The following PDE4B variants were observed in gnomAD, a reference collection of about 807,000 sequenced individuals.
The protein encoded by PDE4B is phosphodiesterase 4B, also known as 3',5'-cyclic-AMP phosphodiesterase 4B.
In PDE4B, 20 loss-of-function variants were observed where a neutral mutation model predicts 82.2. That is an observed-to-expected ratio of 0.24 (90% CI 0.17 to 0.35). The LOEUF is 0.35. Among genes scored for constraint, PDE4B ranks in the 10% least tolerant of loss-of-function variants. PDE4B has a pLI of 1.00. For missense variants in PDE4B, 655 were observed against 907.2 expected, an observed-to-expected ratio of 0.72 and a Z score of 3.57; for synonymous variants, 320 against 318.9, an observed-to-expected ratio of 1.00 and a Z score of -0.04.
chr1:65,998,045 A>C (rs1333355837), intron 3 of PDE4B, among the ~76,000 whole-genome samples: 2 of 152,316 alleles, frequency 1.3e-5, no homozygotes, highest in South Asian at 2.1e-4. Flanking sequence ...TCCTGTTAAC[A>C]AATAATAACA....
At chr1:66,108,706 G>T in intron 3 of PDE4B, among the ~76,000 whole-genome samples, 1 of 151,756 alleles carries the variant, frequency 6.6e-6, no homozygotes, top group East Asian at 1.9e-4. Context: ...ATCAGGGAAA[G>T]GCACGTTCAT....
chr1:66,366,370 C>A (rs910681147), intron 13 of PDE4B, among the ~76,000 whole-genome samples: 3 of 152,160 alleles, frequency 2.0e-5, no homozygotes, highest in African/African-American at 7.2e-5. Context: ...AAGCCATACT[C>A]AAAGCTTTTG....
chr1:66,237,888 TTAGTATAC>T (rs1329818984), intron 3 of PDE4B, among the ~76,000 whole-genome samples: 3 of 152,160 alleles, frequency 2.0e-5, no homozygotes, highest in Non-Finnish European at 4.4e-5. Context: ...CAGGCACTAG[TTAGTATAC>T]CGTTAAGTGC....
intron 1 of PDE4B, among the ~76,000 whole-genome samples, chr1:65,868,936 G>A (rs919897418): frequency 3.9e-5 from 6 of 152,090 alleles, no homozygotes; most frequent in African/African-American, 9.7e-5. Context: ...CCACCACCCC[G>A]TCTGTGGAAA....
intron 3 of PDE4B, among the ~76,000 whole-genome samples, chr1:66,202,066 C>T (rs1285123020): frequency 2.0e-5 from 3 of 152,148 alleles, no homozygotes; most frequent in Non-Finnish European, 4.4e-5. Flanking sequence ...TCATTGGTTT[C>T]AAAGAACATC....
chr1:66,011,837 T>C (rs1652503992), intron 3 of PDE4B, among the ~76,000 whole-genome samples: 1 of 152,108 alleles, frequency 6.6e-6, no homozygotes, highest in African/African-American at 2.4e-5. Flanking sequence ...AATTAGGATA[T>C]TTCTAAAATG....
At chr1:66,241,746 A>AACAT (rs1180824314) in intron 3 of PDE4B, among the ~76,000 whole-genome samples, 1 of 152,182 alleles carries the variant, frequency 6.6e-6, no homozygotes, top group African/African-American at 2.4e-5. Context: ...TCTATACAGA[A>AACAT]ACATACACCT....
intron 1 of PDE4B, among the ~76,000 whole-genome samples, chr1:65,886,437 C>T (rs1222437237): frequency 6.6e-6 from 1 of 152,146 alleles, no homozygotes; most frequent in African/African-American, 2.4e-5. Flanking sequence ...GTGTTGTTAA[C>T]TATAGTCACA....
rs570246427 is a variant in PDE4B, at chr1:65,899,610, C to T, written c.-70-13635C>T. 1.2e-4 allele frequency among the ~76,000 whole-genome samples: 17 copies of T among 146,674 alleles called. No homozygotes were observed. In the South Asian group the frequency reaches 3.6e-3, roughly 31 times the overall value. On this transcript the variant is annotated intron_variant, in intron 1 of 16. Coordinates refer to ENST00000341517, the MANE Select transcript of PDE4B (RefSeq NM_002600.4). ...TCAACTAGTGGATAAAGAAACGTTA[C>T]ATATGTATATATATATATGTAATTT...
chr1:66,225,504 A>G (rs1002253511), intron 3 of PDE4B, among the ~76,000 whole-genome samples: 2 of 152,208 alleles, frequency 1.3e-5, no homozygotes, highest in African/African-American at 4.8e-5. Context: ...GTAGATTTGA[A>G]TGGAATTCAA....
At chr1:65,807,898 G>C (rs879507928) in intron 1 of PDE4B, among the ~76,000 whole-genome samples, 2 of 152,200 alleles carry the variant, frequency 1.3e-5, no homozygotes, top group Non-Finnish European at 2.9e-5. Flanking sequence ...GGAAGGTTTG[G>C]AGAACTCTGT....
chr1:66,352,241 T>G (rs116079305), intron 8 of PDE4B, among the ~76,000 whole-genome samples: 281 of 152,304 alleles, frequency 1.8e-3, no homozygotes, highest in Non-Finnish European at 3.3e-3. Context: ...AAGATGACTA[T>G]GTTTTTTGGT....
intron 7 of PDE4B, among the ~76,000 whole-genome samples, chr1:66,277,342 A>C (rs549185070): frequency 2.0e-5 from 3 of 152,264 alleles, no homozygotes; most frequent in Non-Finnish European, 4.4e-5. Flanking sequence ...TGAGAAACAG[A>C]TTGACGTGAT....
chr1:66,311,823 A>G (rs568522286), intron 7 of PDE4B, among the ~76,000 whole-genome samples: 2 of 152,366 alleles, frequency 1.3e-5, no homozygotes, highest in African/African-American at 4.8e-5. Flanking sequence ...GAGTGGAGAC[A>G]GAGGGTGCCC....
chr1:65,945,423 C>T (rs1030759507), intron 3 of PDE4B, among the ~76,000 whole-genome samples: 1 of 151,894 alleles, frequency 6.6e-6, no homozygotes, highest in African/African-American at 2.4e-5. Context: ...GGCTGAGACA[C>T]TGTAGGCAGG....
chr1:65,885,668 A>C (rs935897641), intron 1 of PDE4B, among the ~76,000 whole-genome samples: 1 of 151,946 alleles, frequency 6.6e-6, no homozygotes, highest in Non-Finnish European at 1.5e-5. Context: ...CAATGAGAAC[A>C]CTTGGACACA....
chr1:65,904,611 T>C (rs1226806540), intron 1 of PDE4B, among the ~76,000 whole-genome samples: 2 of 152,170 alleles, frequency 1.3e-5, no homozygotes, highest in African/African-American at 4.8e-5. Flanking sequence ...ATTATCCTGT[T>C]TCTTGGCCCT....
At chr1:66,300,169 T>C (rs1015203679) in intron 7 of PDE4B, among the ~76,000 whole-genome samples, 5 of 152,116 alleles carry the variant, frequency 3.3e-5, no homozygotes, top group African/African-American at 1.2e-4. Context: ...TTCAACAGAG[T>C]GGGCATCAAA....
At chr1:66,194,964 C>T (rs891000178) in intron 3 of PDE4B, among the ~76,000 whole-genome samples, 1 of 152,016 alleles carries the variant, frequency 6.6e-6, no homozygotes, top group African/African-American at 2.4e-5. Flanking sequence ...TGAGTCATTA[C>T]CATTAGTAAT....
Sources: gnomAD v4.1 joint callset for allele counts (sites outside exome capture counted in the v4.1 genomes callset) on GRCh38, gnomAD v4.1.1 for gene constraint, MANE v1.5 for transcripts, NCBI Gene and HGNC (gene_info 2026-07-23, HGNC 2026-07-21) for gene names.